Variants in TLL2 observed in about 807,000 individuals in gnomAD.
The protein encoded by TLL2 is tolloid like 2.
TLL2 carries 106 observed loss-of-function variants against 123.0 expected under a neutral mutation model. That is an observed-to-expected ratio of 0.86 (90% confidence interval 0.74 to 1.01). The LOEUF (loss-of-function observed/expected upper bound fraction) is 1.01. Among genes scored for constraint, TLL2 ranks in the 50% least tolerant of loss-of-function variants. TLL2 has a pLI of 0.00. For missense variants in TLL2, 1,332 were observed against 1,336.7 expected (o/e 1.00, Z 0.06); for synonymous variants, 494 against 516.8 (o/e 0.96, Z 0.60).
At chr10:96,476,248 T>TTTTTTTTTTTTTTTTTTTTTGTTG (rs1285354320) in intron 2 of TLL2, among the ~76,000 whole-genome samples, 2 of 69,228 alleles carry the variant, frequency 2.9e-5, no homozygotes, top group Admixed American at 1.5e-4. Context: ...ATATTTTATT[T>TTTTTTTTTTTTTTTTTTTTTGTTG]TTGTTGTTGT....
intron 14 of TLL2, 24 bp downstream of exon 14, chr10:96,386,929 T>G (rs764231726): frequency 6.2e-7 from 1 of 1,613,518 alleles, no homozygotes; most frequent in Admixed American, 1.7e-5. Context: ...CCTCTCATTC[T>G]AGCTTGGCAG....
At chr10:96,400,356 TCA>T (rs1491436282) in intron 10 of TLL2, among the ~76,000 whole-genome samples, 9 of 26,766 alleles carry the variant, frequency 3.4e-4, no homozygotes, top group Non-Finnish European at 6.0e-4. Flanking sequence ...ACTACTACCA[TCA>T]AAAAAAAAAA....
chr10:96,474,196 T>C (rs1045675436), intron 2 of TLL2, among the ~76,000 whole-genome samples: 1 of 152,176 alleles, frequency 6.6e-6, no homozygotes, highest in Non-Finnish European at 1.5e-5. Flanking sequence ...TGAAGAATCC[T>C]TTCTTGCCGC....
At chr10:96,387,135 C>T (rs1225380110) in intron 13 of TLL2, 57 bp from the exon 14 acceptor site, 2 of 1,590,894 alleles carry the variant, frequency 1.3e-6, no homozygotes, top group African/African-American at 1.3e-5. Context: ...CTGGCTGTTC[C>T]CAACCCTTGC....
At chr10:96,483,450 C>T (rs923917317) in intron 1 of TLL2, among the ~76,000 whole-genome samples, 2 of 152,204 alleles carry the variant, frequency 1.3e-5, no homozygotes, top group Non-Finnish European at 2.9e-5. Context: ...GTTGTGCCTC[C>T]CAGTCTTCCT....
At chr10:96,368,356 C>T in intron 20 of TLL2, 134 bp from the exon 21 acceptor site, 1 of 1,037,428 alleles carries the variant, frequency 9.6e-7, no homozygotes, top group South Asian at 1.7e-5. Context: ...GGCATCCAAA[C>T]AAGCTCCTTT....
intron 1 of TLL2, among the ~76,000 whole-genome samples, chr10:96,503,429 A>G (rs988370041): frequency 6.6e-6 from 1 of 152,190 alleles, no homozygotes; most frequent in African/African-American, 2.4e-5. Flanking sequence ...TGAGGCTCAA[A>G]GAGATTAAGA....
chr10:96,392,854 G>A (rs138845004), intron 13 of TLL2, among the ~76,000 whole-genome samples: 2 of 152,168 alleles, frequency 1.3e-5, no homozygotes, highest in African/African-American at 4.8e-5. Context: ...TTAAATGAAG[G>A]ATCTTGGAGA....
At chr10:96,482,471 A>C (rs936895903) in intron 1 of TLL2, among the ~76,000 whole-genome samples, 4 of 152,246 alleles carry the variant, frequency 2.6e-5, no homozygotes, top group Non-Finnish European at 4.4e-5. Flanking sequence ...TGGCATATCT[A>C]TACAACAGAA....
At chr10:96,438,463 C>T (rs1846819264) in intron 3 of TLL2, among the ~76,000 whole-genome samples, 1 of 152,160 alleles carries the variant, frequency 6.6e-6, no homozygotes, top group African/African-American at 2.4e-5. Flanking sequence ...TTTTATATTT[C>T]CAATATAGAA....
chr10:96,432,176 G>A (rs1216692400), intron 4 of TLL2, among the ~76,000 whole-genome samples: 1 of 152,168 alleles, frequency 6.6e-6, no homozygotes, highest in Non-Finnish European at 1.5e-5. Flanking sequence ...ATTACTGTGT[G>A]CCAGGCACCA....
chr10:96,488,825 G>A (rs1847382873), intron 1 of TLL2, among the ~76,000 whole-genome samples: 1 of 152,186 alleles, frequency 6.6e-6, no homozygotes, highest in African/African-American at 2.4e-5. Flanking sequence ...AACCAGCAGG[G>A]CCCACATGTA....
At chr10:96,505,680 G>A (rs1223588590) in intron 1 of TLL2, among the ~76,000 whole-genome samples, 1 of 152,198 alleles carries the variant, frequency 6.6e-6, no homozygotes, top group Non-Finnish European at 1.5e-5. Flanking sequence ...AGCACCTGCT[G>A]CTTTGCCCAC....
chr10:96,465,765 T>G (rs1847124302), intron 2 of TLL2, among the ~76,000 whole-genome samples: 2 of 151,390 alleles, frequency 1.3e-5, no homozygotes, highest in Admixed American at 6.6e-5. Context: ...GTGAACGGGG[T>G]TGGGTGTGAA....
chr10:96,366,562 A>T lies in TLL2; in HGVS notation c.*1526T>A, dbSNP rs1846029698. 6.6e-6 allele frequency: 1 copy of T among 152,638 alleles called. No individual in the cohort carries two copies. The highest frequency in any genetic ancestry group is 1.5e-5 in the Non-Finnish European group (1 of 68,048). 9.5% of individuals were successfully genotyped at this position (152,638 alleles called of 1,614,324 possible). A position where few individuals can be genotyped will look rare whatever the true frequency, so the allele number is the denominator to read the frequency against. ...TATCATTCTAGTTTTTGCTCCCAGCAATCACTTTAATGAGACACAGTCCTC... is the reference window on the plus strand; with the variant it reads ...TATCATTCTAGTTTTTGCTCCCAGCTATCACTTTAATGAGACACAGTCCTC... On this transcript the variant is annotated 3_prime_UTR_variant, in exon 21 of 21. Coordinates refer to ENST00000357947, the MANE Select transcript of TLL2 (RefSeq NM_012465.4).
In TLL2 at chr10:96,386,100, G is replaced by A; in HGVS notation, c.1968C>T (p.Tyr656=). ...CVWQVVAPAQ[Y]RISLQFEVFE... is the part of the protein sequence containing the mutation. ...ACACTTCAAACTGAAGGGAGATCCGGTACTGAGCGGGGGCCACCACCTGCC... is the reference window on the plus strand; with the variant it reads ...ACACTTCAAACTGAAGGGAGATCCGATACTGAGCGGGGGCCACCACCTGCC... Residue 656 remains tyrosine, a synonymous_variant, in exon 15 of 21, where the codon TAC becomes TAT. Coordinates refer to ENST00000357947, the MANE Select transcript of TLL2 (RefSeq NM_012465.4). 1 of 1,611,822 alleles carries A rather than the reference G, an allele frequency of 6.2e-7. No individual in the cohort carries two copies. The highest frequency in any genetic ancestry group is 1.3e-5 in the African/African-American group (1 of 74,890).
At chr10:96,371,628 C>T (rs1330479432) in intron 19 of TLL2, among the ~76,000 whole-genome samples, 1 of 152,210 alleles carries the variant, frequency 6.6e-6, no homozygotes, top group Non-Finnish European at 1.5e-5. Flanking sequence ...ATTTCAAATT[C>T]CTGAGAGCTG....
intron 5 of TLL2, among the ~76,000 whole-genome samples, chr10:96,423,478 AT>A (rs568910373): frequency 1.3e-4 from 20 of 152,206 alleles, no homozygotes; most frequent in African/African-American, 4.6e-4. Context: ...GGGCACAATC[AT>A]TTTTTTCAAA....
At chr10:96,368,436 G>C in intron 20 of TLL2, among the ~76,000 whole-genome samples, 1 of 152,208 alleles carries the variant, frequency 6.6e-6, no homozygotes, top group South Asian at 2.1e-4. Flanking sequence ...GATGATCCTA[G>C]GTGCATAGCT....
Sources: allele counts gnomAD v4.1 joint callset (sites outside exome capture counted in the v4.1 genomes callset), GRCh38; gene constraint gnomAD v4.1.1; transcripts MANE v1.5; gene names NCBI Gene and HGNC (gene_info 2026-07-23, HGNC 2026-07-21).